Variants in ANKS1B observed in about 807,000 individuals in gnomAD.
The protein encoded by ANKS1B is ankyrin repeat and sterile alpha motif domain containing 1B.
In ANKS1B, 36 loss-of-function variants were observed where a neutral mutation model predicts 148.3. The ratio of observed to expected loss-of-function variants is 0.24; its 90% CI spans 0.19 to 0.32. The LOEUF (loss-of-function observed/expected upper bound fraction) is 0.32, where lower values mean the gene tolerates loss of function less well. ANKS1B is among the 10% of genes least tolerant of loss of function. The pLI is 1.00. For synonymous variants in ANKS1B, 542 were observed against 560.8 expected (o/e 0.97, Z 0.47); for missense variants, 1,157 against 1,542.6 (o/e 0.75, Z 4.19).
At chr12:98,953,933 T>C (rs896876987) in intron 17 of ANKS1B, among the ~76,000 whole-genome samples, 1 of 152,336 alleles carries the variant, frequency 6.6e-6, no homozygotes, top group Admixed American at 6.5e-5. Context: ...TCATGTCTCA[T>C]CTTTTTGATA....
rs12305057 is a variant in ANKS1B at position 99,186,343 on chromosome 12, C to T, written c.2420-31948G>A. The stretch of plus-strand genomic sequence containing the variant: ...AGACATAAATGTTCCTGCCTGCCAG[C>T]GCTGAAGAGAGCAGCAGATCTCCCG... On this transcript the variant is annotated intron_variant, in intron 14 of 26. Transcript: ENST00000683438. Among the ~76,000 whole-genome samples the T allele has an allele frequency of 6.4e-4, 98 of 152,286 alleles. No homozygotes were observed. The East Asian group carries it at 0.012, about 19-fold the overall frequency.
intron 17 of ANKS1B, among the ~76,000 whole-genome samples, chr12:98,943,547 C>A (rs76714129): frequency 6.6e-6 from 1 of 152,136 alleles, no homozygotes; most frequent in South Asian, 2.1e-4. Flanking sequence ...AGGGGGGCTG[C>A]TTTCATTGTC....
chr12:99,590,652 G>C (rs561624096), intron 9 of ANKS1B, among the ~76,000 whole-genome samples: 2 of 152,282 alleles, frequency 1.3e-5, no homozygotes, highest in South Asian at 4.1e-4. Context: ...AAACTCTAAA[G>C]AAAGAGGAAG....
intron 8 of ANKS1B, among the ~76,000 whole-genome samples, chr12:99,665,458 T>C (rs992931840): frequency 3.9e-5 from 6 of 152,182 alleles, no homozygotes; most frequent in Middle Eastern, 3.4e-3. Flanking sequence ...GTGAAGTACC[T>C]TTACACATTT....
chr12:99,329,603 A>G (rs1012968953), intron 12 of ANKS1B, among the ~76,000 whole-genome samples: 10 of 151,892 alleles, frequency 6.6e-5, no homozygotes, highest in Admixed American at 3.9e-4. Context: ...TCTGGTCAAC[A>G]AATGTCTTTA....
At chr12:99,829,888 A>T (rs995589972) in intron 1 of ANKS1B, among the ~76,000 whole-genome samples, 1 of 152,110 alleles carries the variant, frequency 6.6e-6, no homozygotes, top group Non-Finnish European at 1.5e-5. Flanking sequence ...AATAAAAATA[A>T]AAAAAAGACA....
At chr12:99,835,438 A>G (rs2084695235) in intron 1 of ANKS1B, among the ~76,000 whole-genome samples, 1 of 134,630 alleles carries the variant, frequency 7.4e-6, no homozygotes, top group South Asian at 2.4e-4. Context: ...CAAAAAATAA[A>G]AAGAAAAAAA....
At chr12:98,903,574 C>G (rs1361860291) in intron 17 of ANKS1B, among the ~76,000 whole-genome samples, 1 of 152,220 alleles carries the variant, frequency 6.6e-6, no homozygotes, top group Non-Finnish European at 1.5e-5. Context: ...CAGAGAAAAG[C>G]AGAGCAGAGA....
chr12:99,114,126 C>G (rs1343417329), intron 15 of ANKS1B, among the ~76,000 whole-genome samples: 1 of 152,126 alleles, frequency 6.6e-6, no homozygotes, highest in Non-Finnish European at 1.5e-5. Context: ...TGGATATGAT[C>G]ATTTTCATTT....
intron 9 of ANKS1B, among the ~76,000 whole-genome samples, chr12:99,539,948 T>C (rs927896042): frequency 3.3e-5 from 5 of 151,840 alleles, no homozygotes; most frequent in African/African-American, 1.2e-4. Context: ...CATTAATAGG[T>C]TGAAAGTAAA....
At position 99,504,553 on chromosome 12, in the gene ANKS1B, A is replaced by G; in HGVS notation, c.1361T>C (p.Leu454Pro). Residue 454 changes from leucine to proline, a missense_variant, in exon 10 of 27, where the codon CTG becomes CCG. Coordinates refer to ENST00000683438, the MANE Select transcript of ANKS1B (RefSeq NM_001352186.2). Reference protein sequence around the residue: ...DTFPSENENFLCDLMDTAVTK... With the variant: ...DTFPSENENFPCDLMDTAVTK... ...AACAGCTGTGTCCATGAGATCACACAGAAAGTTCTCATTTTCTGAAGGAAA... is the reference window on the plus strand; with the variant it reads ...AACAGCTGTGTCCATGAGATCACACGGAAAGTTCTCATTTTCTGAAGGAAA... 6.2e-7 allele frequency: 1 copy of G among 1,613,072 alleles called. No individual in the cohort carries two copies. Among genetic ancestry groups the G allele is most frequent in the Non-Finnish European group, 8.5e-7 (1 of 1,179,508 alleles).
intron 8 of ANKS1B, among the ~76,000 whole-genome samples, chr12:99,755,039 C>T (rs899130362): frequency 1.3e-5 from 2 of 150,156 alleles, no homozygotes; most frequent in African/African-American, 4.9e-5. Flanking sequence ...CAAAAAAAAT[C>T]CAAAAGATTA....
chr12:99,275,155 G>A (rs967894138), intron 12 of ANKS1B, among the ~76,000 whole-genome samples: 3 of 152,062 alleles, frequency 2.0e-5, no homozygotes, highest in Admixed American at 1.3e-4. Context: ...AGGATAAATG[G>A]TGTATCCATC....
At chr12:99,975,545 G>GT in intron 1 of ANKS1B, among the ~76,000 whole-genome samples, 1 of 152,258 alleles carries the variant, frequency 6.6e-6, no homozygotes, top group Middle Eastern at 3.4e-3. Context: ...TCTCACTGTG[G>GT]TTTTGATTTG....
intron 1 of ANKS1B, among the ~76,000 whole-genome samples, chr12:99,925,554 T>C (rs1200678805): frequency 6.6e-6 from 1 of 152,138 alleles, no homozygotes; most frequent in Non-Finnish European, 1.5e-5. Context: ...GGTGTGATAG[T>C]TATCAATGTA....
intron 17 of ANKS1B, among the ~76,000 whole-genome samples, chr12:98,904,117 A>C (rs994832917): frequency 2.0e-5 from 3 of 152,016 alleles, no homozygotes; most frequent in African/African-American, 7.2e-5. Context: ...TAATGATATT[A>C]AAATTATTTT....
intron 8 of ANKS1B, among the ~76,000 whole-genome samples, chr12:99,727,174 C>T (rs533272108): frequency 6.6e-6 from 1 of 152,036 alleles, no homozygotes; most frequent in South Asian, 2.1e-4. Context: ...AAAGCATATT[C>T]GAATAGAAAG....
At chr12:99,253,348 C>T (rs2074873042) in intron 12 of ANKS1B, among the ~76,000 whole-genome samples, 2 of 152,058 alleles carry the variant, frequency 1.3e-5, no homozygotes, top group Non-Finnish European at 2.9e-5. Flanking sequence ...AAGGCAGGCG[C>T]ATGGAACTCA....
chr12:98,735,411 TC>T (rs1462057006), exon 10 of ANKS1B: 4 of 427,334 alleles, frequency 9.4e-6, no homozygotes, highest in Non-Finnish European at 1.7e-5. Flanking sequence ...AAAATAAAAT[TC>T]ACAAAATTGT....
Sources: gnomAD v4.1 joint callset for allele counts (sites outside exome capture counted in the v4.1 genomes callset) on GRCh38, gnomAD v4.1.1 for gene constraint, MANE v1.5 for transcripts, NCBI Gene and HGNC (gene_info 2026-07-23, HGNC 2026-07-21) for gene names.